NRG1: variants seen among roughly 807,000 people sequenced by gnomAD.
NRG1 encodes pro-neuregulin-1, membrane-bound isoform.
Under a neutral mutation model 63.8 loss-of-function variants are expected in NRG1, and 18 were observed. The observed-to-expected ratio is 0.28, with a 90% CI of 0.19 to 0.42. The LOEUF is 0.42. Among genes scored for constraint, NRG1 ranks in the 10% least tolerant of loss-of-function variants. The pLI, the probability that NRG1 is intolerant of heterozygous loss-of-function variation, is 1.00. For synonymous variants in NRG1, 302 were observed against 301.3 expected, an observed-to-expected ratio of 1.00 and a Z score of -0.02; for missense variants, 762 against 814.7, an observed-to-expected ratio of 0.94 and a Z score of 0.79.
Position 32,452,118 on chromosome 8 carries a change from G to A in NRG1, c.38-143710G>A, listed in dbSNP as rs150982678. Among the ~76,000 whole-genome samples, 918 of 152,140 alleles carry A rather than the reference G, an allele frequency of 6.0e-3. 6 individuals carry two copies. The highest frequency in any genetic ancestry group is 0.021 in the African/African-American group (862 of 41,506). On this transcript the variant is annotated intron_variant, in intron 1 of 10. Transcript: ENST00000519301. ...GCTGGGATTGCAGGTGTGAGCCACCGTGCCCAGCCCTAACTTCCTTCTGAT... is the reference window on the plus strand; with the variant it reads ...GCTGGGATTGCAGGTGTGAGCCACCATGCCCAGCCCTAACTTCCTTCTGAT...
At chr8:32,335,637 G>A (rs1039221238) in intron 1 of NRG1, among the ~76,000 whole-genome samples, 3 of 152,128 alleles carry the variant, frequency 2.0e-5, no homozygotes, top group Non-Finnish European at 4.4e-5. Context: ...AGACCTCAGG[G>A]CCTTGCACAT....
intron 1 of NRG1, among the ~76,000 whole-genome samples, chr8:32,510,335 A>T (rs887976826): frequency 2.0e-5 from 3 of 151,850 alleles, no homozygotes. Flanking sequence ...GCACTCTAGC[A>T]TAGGTAACAT....
intron 1 of NRG1, among the ~76,000 whole-genome samples, chr8:31,880,382 A>G (rs771211948): frequency 1.6e-4 from 25 of 152,180 alleles, no homozygotes; most frequent in Non-Finnish European, 2.4e-4. Context: ...TTTTGGCAGC[A>G]TACGACCATG....
intron 1 of NRG1, among the ~76,000 whole-genome samples, chr8:31,696,494 A>G (rs1239857850): frequency 6.6e-6 from 1 of 152,224 alleles, no homozygotes; most frequent in Non-Finnish European, 1.5e-5. Context: ...AAAGGTGATA[A>G]GTACTTCCAC....
intron 1 of NRG1, among the ~76,000 whole-genome samples, chr8:32,530,396 C>T (rs1307910820): frequency 1.3e-5 from 2 of 152,212 alleles, no homozygotes; most frequent in Admixed American, 1.3e-4. Flanking sequence ...CGTGAGCCAC[C>T]GCGCCCAGCC....
At chr8:31,943,412 A>G (rs1268299074) in intron 1 of NRG1, among the ~76,000 whole-genome samples, 1 of 152,102 alleles carries the variant, frequency 6.6e-6, no homozygotes, top group Non-Finnish European at 1.5e-5. Flanking sequence ...GAAGGATAAG[A>G]GAATATTCAC....
At position 31,803,411 on chromosome 8, in the gene NRG1, C is replaced by T. The variant is rs578049697; in HGVS notation, c.37+163980C>T. Among the ~76,000 whole-genome samples, 9 of 152,242 alleles carry T rather than the reference C, an allele frequency of 5.9e-5. No individual in the cohort carries two copies. In the South Asian group the frequency reaches 1.9e-3, roughly 32 times the overall value. Reference sequence around the variant, plus strand: ...AGTGGAATCCCTGTTTTCTATTCACCTTCCTACTCAGTTGCACTACAAGTT... The same window carrying T: ...AGTGGAATCCCTGTTTTCTATTCACTTTCCTACTCAGTTGCACTACAAGTT... On this transcript the variant is annotated intron_variant, in intron 1 of 10. Transcript: ENST00000519301.
chr8:32,346,176 T>C (rs971205281), intron 1 of NRG1, among the ~76,000 whole-genome samples: 1 of 147,156 alleles, frequency 6.8e-6, no homozygotes, highest in Non-Finnish European at 1.5e-5. Context: ...TATAGGTGAA[T>C]ATATACAGAT....
intron 1 of NRG1, among the ~76,000 whole-genome samples, chr8:32,565,189 A>G (rs922828658): frequency 2.0e-5 from 3 of 152,154 alleles, no homozygotes; most frequent in African/African-American, 7.2e-5. Context: ...CCCACTCAGG[A>G]CCATTGGGCT....
At chr8:32,399,352 A>G (rs1812863116) in intron 1 of NRG1, among the ~76,000 whole-genome samples, 1 of 152,244 alleles carries the variant, frequency 6.6e-6, no homozygotes, top group Non-Finnish European at 1.5e-5. Flanking sequence ...CCTCGACTCA[A>G]CTGATAATCT....
intron 1 of NRG1, among the ~76,000 whole-genome samples, chr8:32,304,850 C>T (rs1261408644): frequency 2.6e-5 from 4 of 151,882 alleles, no homozygotes; most frequent in Admixed American, 6.6e-5. Context: ...GGAGAAACCC[C>T]GTCTCTACTA....
At chr8:32,375,132 A>G (rs1348627575) in intron 1 of NRG1, among the ~76,000 whole-genome samples, 1 of 134,498 alleles carries the variant, frequency 7.4e-6, no homozygotes, top group African/African-American at 2.8e-5. Flanking sequence ...ACAGGCACAC[A>G]CCACCACACC....
At chr8:32,452,723 G>C (rs1175534875) in intron 1 of NRG1, among the ~76,000 whole-genome samples, 1 of 152,158 alleles carries the variant, frequency 6.6e-6, no homozygotes. Flanking sequence ...AACTTCTACT[G>C]TGAGTCCAAA....
chr8:32,404,838 G>A (rs1330172862), intron 1 of NRG1, among the ~76,000 whole-genome samples: 1 of 152,020 alleles, frequency 6.6e-6, no homozygotes, highest in Non-Finnish European at 1.5e-5. Context: ...ACCTGCCTTG[G>A]CCTTCCAAAG....
intron 1 of NRG1, among the ~76,000 whole-genome samples, chr8:32,521,145 G>A (rs1588095143): frequency 6.6e-6 from 1 of 152,178 alleles, no homozygotes; most frequent in East Asian, 1.9e-4. Flanking sequence ...ATAGGGTTTG[G>A]TACTATCCAT....
At chr8:32,400,537 T>C (rs1329099563) in intron 1 of NRG1, among the ~76,000 whole-genome samples, 5 of 152,164 alleles carry the variant, frequency 3.3e-5, no homozygotes, top group Admixed American at 1.3e-4. Flanking sequence ...AATAAGCATA[T>C]GGAAAATTAC....
At chr8:32,312,150 C>CT (rs1563301557) in intron 1 of NRG1, among the ~76,000 whole-genome samples, 68 of 127,216 alleles carry the variant, frequency 5.3e-4, no homozygotes, top group Admixed American at 8.8e-4. Flanking sequence ...ATTATTTGAC[C>CT]TTGTTTGTTT....
chr8:32,766,453 T>C (rs1831438986), exon 12 of NRG1: 1 of 152,206 alleles, frequency 6.6e-6, no homozygotes, highest in South Asian at 2.1e-4. Context: ...GTCAGTCCAA[T>C]GAAGTTCTCT....
intron 1 of NRG1, among the ~76,000 whole-genome samples, chr8:32,281,725 A>G (rs1852873383): frequency 1.3e-5 from 2 of 152,196 alleles, no homozygotes; most frequent in African/African-American, 4.8e-5. Context: ...ATGCATCTGT[A>G]GTACCAGCTA....
Sources: gnomAD v4.1 joint callset for allele counts (sites outside exome capture counted in the v4.1 genomes callset) on GRCh38, gnomAD v4.1.1 for gene constraint, MANE v1.5 for transcripts, NCBI Gene and HGNC (gene_info 2026-07-23, HGNC 2026-07-21) for gene names.